The following LRP1B variants were observed in gnomAD, a reference collection of about 807,000 sequenced individuals.
LRP1B encodes low-density lipoprotein receptor-related protein 1B.
Under a neutral mutation model 556.6 loss-of-function variants are expected in LRP1B, and 217 were observed. The observed-to-expected ratio is 0.39, with a 90% CI of 0.35 to 0.44. The LOEUF is 0.44. Ranked by LOEUF, LRP1B falls within the 20% of genes least tolerant of loss-of-function variation. LRP1B has a pLI of 1.00. For missense variants in LRP1B, 5,053 were observed against 5,620.8 expected, an observed-to-expected ratio of 0.90 and a Z score of 3.23; for synonymous variants, 2,047 against 1,865.8, an observed-to-expected ratio of 1.10 and a Z score of -2.50.
chr2:140,561,310 A>G, intron 43 of LRP1B, among the ~76,000 whole-genome samples: 1 of 152,106 alleles, frequency 6.6e-6, no homozygotes, highest in Admixed American at 6.6e-5. Context: ...CAGAATCCAA[A>G]AAGAATCTGA....
intron 1 of LRP1B, among the ~76,000 whole-genome samples, chr2:142,092,319 A>T (rs913523943): frequency 9.8e-5 from 12 of 122,668 alleles, no homozygotes; most frequent in Non-Finnish European, 1.6e-4. Flanking sequence ...CCTACATTTT[A>T]AAAAAATTGC....
At chr2:140,595,774 T>C (rs925800489) in intron 43 of LRP1B, among the ~76,000 whole-genome samples, 2 of 152,142 alleles carry the variant, frequency 1.3e-5, no homozygotes, top group African/African-American at 4.8e-5. Context: ...AATTACATTT[T>C]TAAAAAAGCA....
chr2:141,659,653 C>A (rs182275099), intron 2 of LRP1B, among the ~76,000 whole-genome samples: 1 of 152,094 alleles, frequency 6.6e-6, no homozygotes, highest in East Asian at 1.9e-4. Flanking sequence ...ATGGCATACT[C>A]CTTCCTTGGA....
chr2:141,781,931 A>C lies in LRP1B; in HGVS notation c.205+28348T>G, dbSNP rs554175779. 3.2e-4 allele frequency among the ~76,000 whole-genome samples: 49 copies of C among 152,244 alleles called. No individual in the cohort carries two copies. In the Middle Eastern group the frequency reaches 0.014, roughly 42 times the overall value. On this transcript the variant is annotated intron_variant, in intron 2 of 90. Coordinates refer to ENST00000389484, the MANE Select transcript of LRP1B (RefSeq NM_018557.3). ...AAAGCGTTTTCCCACAAATCTCATAAAATAAAATGTTCTCTTTTTAGCTCT... is the reference window on the plus strand; with the variant it reads ...AAAGCGTTTTCCCACAAATCTCATACAATAAAATGTTCTCTTTTTAGCTCT...
At chr2:141,597,055 T>TACACACACAC (rs35647921) in intron 2 of LRP1B, among the ~76,000 whole-genome samples, 2 of 147,368 alleles carry the variant, frequency 1.4e-5, no homozygotes, top group East Asian at 4.0e-4. Flanking sequence ...TCTGACATTT[T>TACACACACAC]ACACACACAC....
intron 27 of LRP1B, among the ~76,000 whole-genome samples, chr2:140,863,803 T>G (rs1692868725): frequency 6.6e-6 from 1 of 152,114 alleles, no homozygotes; most frequent in African/African-American, 2.4e-5. Flanking sequence ...AAAATCCATC[T>G]ATCATAACAA....
At chr2:141,467,846 G>GGGGGGGC (rs1367116950) in intron 3 of LRP1B, among the ~76,000 whole-genome samples, 3 of 53,152 alleles carry the variant, frequency 5.6e-5, no homozygotes, top group Admixed American at 2.5e-4. Flanking sequence ...GACCGGGGGG[G>GGGGGGGC]GGGGAATTCC....
chr2:140,852,154 C>T (rs1353719212), intron 27 of LRP1B, among the ~76,000 whole-genome samples: 1 of 152,022 alleles, frequency 6.6e-6, no homozygotes, highest in African/African-American at 2.4e-5. Flanking sequence ...CATGAAACCC[C>T]ATCTCTACTA....
In LRP1B at chr2:141,247,328, T is replaced by C; in HGVS notation, c.490A>G (p.Thr164Ala). The change falls in exon 5 of 91, where the codon ACA becomes GCA. Residue 164 changes from threonine (T) to alanine (A), a missense_variant. By Grantham distance (58) the Thr-to-Ala change is moderately conservative (BLOSUM62 0). This residue lies in a region of LRP1B where 3,619 missense variants were observed against 3,931.9 expected (regional missense o/e 0.92). Transcript: ENST00000389484. ...GTGTTTCTGCAGGTCTGGCTGCATG[T>C]ACCATAAACAGCACATTCATCTTGA... is the stretch of plus-strand genomic sequence containing the variant. ...KDQDECAVYG[T>A]CSQTCRNTHG... 3 of 1,613,764 alleles carry C rather than the reference T, an allele frequency of 1.9e-6. No individual in the cohort carries two copies. The highest frequency in any genetic ancestry group is 2.5e-6 in the Non-Finnish European group (3 of 1,179,748).
intron 7 of LRP1B, among the ~76,000 whole-genome samples, chr2:141,133,294 T>C (rs1701407088): frequency 6.8e-6 from 1 of 146,266 alleles, no homozygotes; most frequent in South Asian, 2.3e-4. Flanking sequence ...ACGTCTCTTT[T>C]TTTTTTTTTT....
At chr2:141,438,556 G>A (rs534772731) in intron 3 of LRP1B, among the ~76,000 whole-genome samples, 1 of 152,222 alleles carries the variant, frequency 6.6e-6, no homozygotes, top group East Asian at 1.9e-4. Flanking sequence ...CAGCTACATA[G>A]GGAAATACAG....
At chr2:140,908,167 A>G in intron 21 of LRP1B, 90 bp from the exon 22 acceptor site, 1 of 988,956 alleles carries the variant, frequency 1.0e-6, no homozygotes, top group Non-Finnish European at 1.6e-6. Flanking sequence ...TCACAGGCAG[A>G]ATTACTTGTC....
chr2:140,524,215 CAT>C (rs1491334513), intron 49 of LRP1B, among the ~76,000 whole-genome samples: 13 of 151,758 alleles, frequency 8.6e-5, no homozygotes, highest in African/African-American at 3.1e-4. Flanking sequence ...CCAACAAACA[CAT>C]AAAAAAGTGC....
At chr2:142,003,281 A>G (rs965793760) in intron 1 of LRP1B, among the ~76,000 whole-genome samples, 2 of 152,228 alleles carry the variant, frequency 1.3e-5, no homozygotes, top group Non-Finnish European at 2.9e-5. Context: ...AATGCACAAT[A>G]GTTGTCAATA....
chr2:140,691,860 G>A (rs1686255095), intron 41 of LRP1B, among the ~76,000 whole-genome samples: 2 of 152,068 alleles, frequency 1.3e-5, no homozygotes, highest in African/African-American at 4.8e-5. Context: ...TAGATGTATA[G>A]AATAGTAGAG....
intron 37 of LRP1B, among the ~76,000 whole-genome samples, chr2:140,715,053 G>C (rs1687161453): frequency 6.6e-6 from 1 of 152,060 alleles, no homozygotes; most frequent in Non-Finnish European, 1.5e-5. Context: ...GCAAAGGCTG[G>C]AAGTGGAATA....
chr2:140,384,855 C>A (rs1219564314), intron 67 of LRP1B, among the ~76,000 whole-genome samples: 2 of 152,082 alleles, frequency 1.3e-5, no homozygotes, highest in African/African-American at 4.8e-5. Flanking sequence ...CTTGGAAGTA[C>A]CAGATATAAA....
chr2:140,978,010 G>A (rs180793496), intron 18 of LRP1B, among the ~76,000 whole-genome samples: 1 of 152,146 alleles, frequency 6.6e-6, no homozygotes, highest in African/African-American at 2.4e-5. Flanking sequence ...TTCAACACAG[G>A]CTTCACAATT....
At chr2:141,385,577 A>C (rs1689801841) in intron 3 of LRP1B, among the ~76,000 whole-genome samples, 1 of 145,424 alleles carries the variant, frequency 6.9e-6, no homozygotes, top group Non-Finnish European at 1.5e-5. Context: ...AAATCATGTT[A>C]GTTTATAAAA....
Sources: gnomAD v4.1 joint callset for allele counts (sites outside exome capture counted in the v4.1 genomes callset) on GRCh38, gnomAD v4.1.1 for gene constraint, gnomAD v4.1.1 regional missense constraint, MANE v1.5 for transcripts, NCBI Gene and HGNC (gene_info 2026-07-23, HGNC 2026-07-21) for gene names.